Variants in IARS1 observed in about 807,000 individuals in gnomAD.
IARS1 encodes isoleucyl-tRNA synthetase 1.
Under a neutral mutation model 168.2 loss-of-function variants are expected in IARS1, and 124 were observed. That is an observed-to-expected ratio of 0.74 (90% CI 0.64 to 0.86). The LOEUF is 0.86. Among genes scored for constraint, IARS1 ranks in the 40% least tolerant of loss-of-function variants. The pLI, the probability that IARS1 is intolerant of heterozygous loss-of-function variation, is 0.00. For missense variants in IARS1, 1,452 were observed against 1,515.8 expected (o/e 0.96, Z 0.70); for synonymous variants, 532 against 529.4 (o/e 1.00, Z -0.07).
In IARS1 at chr9:92,245,015, T is replaced by G; in HGVS notation, c.2848A>C (p.Thr950Pro). Residue 950 changes from threonine to proline, a missense_variant, in exon 27 of 34, where the codon ACC becomes CCC. Physicochemically the swap from Thr to Pro is conservative, Grantham distance 38. Transcript: ENST00000443024. ...GTCCCACCTGTGGCCTGATCAAAGG[T>G]GTACATGAGGCGGATGTCTTCATCG... is the stretch of plus-strand genomic sequence containing the variant. ...LHDEDIRLMY[T>P]FDQATGGTAQ... 6.8e-6 allele frequency: 11 copies of G among 1,614,152 alleles called. No individual in the cohort carries two copies. Among genetic ancestry groups the G allele is most frequent in the Non-Finnish European group, 9.3e-6 (11 of 1,180,022 alleles).
At chr9:92,266,412 A>G (rs1832293724) in intron 14 of IARS1, among the ~76,000 whole-genome samples, 1 of 152,232 alleles carries the variant, frequency 6.6e-6, no homozygotes, top group Admixed American at 6.5e-5. Flanking sequence ...GGGATGGCCT[A>G]AAACACAGCT....
intron 33 of IARS1, among the ~76,000 whole-genome samples, chr9:92,217,128 A>G (rs1838845685): frequency 1.3e-5 from 2 of 151,162 alleles, no homozygotes; most frequent in Admixed American, 6.6e-5. Flanking sequence ...CTCACTCAAA[A>G]CCGCTCAACT....
chr9:92,224,301 T>C (rs1825287232), intron 31 of IARS1, among the ~76,000 whole-genome samples: 2 of 152,260 alleles, frequency 1.3e-5, no homozygotes, highest in Admixed American at 6.5e-5. Flanking sequence ...CCCTGAAGAA[T>C]AGTGATGGGT....
At position 92,287,922 on chromosome 9, in the gene IARS1, T is replaced by C. The variant is rs374792884; in HGVS notation, c.277-12A>G. ...TCAATTTCATATTCCTGAAAATTTG[T>C]GATAAGACTGTTACCACGCTGCCCT... is the stretch of plus-strand genomic sequence containing the variant. On this transcript the variant is annotated splice_polypyrimidine_tract_variant and intron_variant, in intron 3 of 33. Transcript: ENST00000443024. 1 of 1,613,658 alleles carries C rather than the reference T, an allele frequency of 6.2e-7. No individual in the cohort carries two copies. The highest frequency in any genetic ancestry group is 1.1e-5 in the South Asian group (1 of 90,974).
intron 24 of IARS1, 47 bp downstream of exon 24, chr9:92,250,140 A>T: frequency 1.6e-6 from 2 of 1,228,402 alleles, no homozygotes; most frequent in Non-Finnish European, 2.4e-6. Context: ...CCAAACACTT[A>T]ATTAATTTAG....
At chr9:92,255,240 C>T (rs922443124) in intron 20 of IARS1, among the ~76,000 whole-genome samples, 2 of 152,216 alleles carry the variant, frequency 1.3e-5, no homozygotes, top group Non-Finnish European at 2.9e-5. Context: ...GGGGCAGCAG[C>T]GCCTACTCCA....
intron 7 of IARS1, 144 bp downstream of exon 7, chr9:92,280,601 AT>A: frequency 2.1e-6 from 1 of 481,424 alleles, no homozygotes; most frequent in Non-Finnish European, 3.6e-6. Context: ...ATGAAAACAA[AT>A]GTTTAAAGTT....
intron 26 of IARS1, among the ~76,000 whole-genome samples, chr9:92,245,422 A>G (rs550019548): frequency 6.6e-6 from 1 of 152,350 alleles, no homozygotes; most frequent in South Asian, 2.1e-4. Flanking sequence ...CAGTCTTTAA[A>G]GAGAAAGTGA....
At chr9:92,288,404 GA>G in intron 2 of IARS1, 122 bp from the exon 3 acceptor site, 1 of 793,138 alleles carries the variant, frequency 1.3e-6, no homozygotes, top group Non-Finnish European at 2.1e-6. Flanking sequence ...TCAGGAAACC[GA>G]CAGACATAAT....
rs779099705 is a variant in IARS1, at chr9:92,278,214, T to C, written c.818A>G (p.Tyr273Cys). ...LSALYKLESD[Y>C]EILERFPGAY... ...GAATATTCACCTTTCAAGGATCTCA[T>C]AGTCACTCTCCAATTTATAGAGGGC... Residue 273 changes from tyrosine (Y) to cysteine (C), a missense_variant, in exon 8 of 34, where the codon TAT becomes TGT. Tyr to Cys is a radical substitution (Grantham distance 194). Transcript: ENST00000443024. 5.0e-6 allele frequency: 8 copies of C among 1,601,430 alleles called. No homozygotes were observed. Among genetic ancestry groups the C allele is most frequent in the East Asian group, 4.5e-5 (2 of 44,808 alleles).
At chr9:92,239,127 T>C (rs1827983513) in intron 30 of IARS1, among the ~76,000 whole-genome samples, 1 of 152,212 alleles carries the variant, frequency 6.6e-6, no homozygotes, top group South Asian at 2.1e-4. Context: ...CCCTCCATTT[T>C]GATTTTCCAT....
intron 17 of IARS1, among the ~76,000 whole-genome samples, chr9:92,260,816 T>C (rs1831419366): frequency 6.6e-6 from 1 of 152,184 alleles, no homozygotes; most frequent in African/African-American, 2.4e-5. Context: ...ACTTACATTA[T>C]CATAAAAACC....
chr9:92,281,525 A>G (rs954280375), intron 6 of IARS1, among the ~76,000 whole-genome samples: 1 of 152,172 alleles, frequency 6.6e-6, no homozygotes, highest in Non-Finnish European at 1.5e-5. Flanking sequence ...ATCAAGAGTT[A>G]GATCAAAAAG....
chr9:92,250,142 T>A, intron 24 of IARS1, 45 bp downstream of exon 24: 1 of 1,243,516 alleles, frequency 8.0e-7, no homozygotes, highest in Non-Finnish European at 1.2e-6. Context: ...AAACACTTAA[T>A]TAATTTAGGT....
chr9:92,274,706 TAA>T (rs1384750767), intron 9 of IARS1, among the ~76,000 whole-genome samples, 185 bp from the exon 10 acceptor site: 1 of 152,174 alleles, frequency 6.6e-6, no homozygotes, highest in African/African-American at 2.4e-5. Context: ...TTCCCATAAA[TAA>T]AAAGTTACCA....
chr9:92,252,097 G>C (rs1303095369), intron 21 of IARS1, among the ~76,000 whole-genome samples: 1 of 152,208 alleles, frequency 6.6e-6, no homozygotes, highest in Non-Finnish European at 1.5e-5. Context: ...GGCCTGGCCA[G>C]GATGTGCACC....
intron 2 of IARS1, among the ~76,000 whole-genome samples, chr9:92,288,847 A>G (rs920752809): frequency 2.6e-5 from 4 of 152,192 alleles, no homozygotes; most frequent in Admixed American, 6.5e-5. Flanking sequence ...CATTCAATGT[A>G]TATCTACTAC....
chr9:92,246,857 T>A (rs954993738), intron 26 of IARS1, among the ~76,000 whole-genome samples: 1 of 152,182 alleles, frequency 6.6e-6, no homozygotes, highest in Non-Finnish European at 1.5e-5. Flanking sequence ...GTAAGAATTA[T>A]TTATAATAAA....
At chr9:92,289,179 C>T (rs926665690) in intron 2 of IARS1, 122 bp downstream of exon 2, 63 of 530,904 alleles carry the variant, frequency 1.2e-4, no homozygotes, top group Admixed American at 6.6e-4. Context: ...TGCCCTCCAG[C>T]CTGGATGACA....
Sources: allele counts gnomAD v4.1 joint callset (sites outside exome capture counted in the v4.1 genomes callset), GRCh38; gene constraint gnomAD v4.1.1; transcripts MANE v1.5; gene names NCBI Gene and HGNC (gene_info 2026-07-23, HGNC 2026-07-21).